The following LINGO2 variants were observed in gnomAD, a reference collection of about 807,000 sequenced individuals.
The protein encoded by LINGO2 is leucine-rich repeat and immunoglobulin-like domain-containing nogo receptor-interacting protein 2.
In LINGO2, 14 loss-of-function variants were observed where a neutral mutation model predicts 30.6. The observed-to-expected ratio is 0.46, with a 90% CI of 0.30 to 0.72. The LOEUF (loss-of-function observed/expected upper bound fraction) is 0.72, where lower values mean the gene tolerates loss of function less well. Among genes scored for constraint, LINGO2 ranks in the 30% least tolerant of loss-of-function variants. The probability of loss-of-function intolerance (pLI) is 0.07; values close to 1 mark genes in which losing one functional copy is unlikely to be tolerated. For missense variants in LINGO2, 729 were observed against 751.7 expected, an observed-to-expected ratio of 0.97 and a Z score of 0.35; for synonymous variants, 317 against 288.5, an observed-to-expected ratio of 1.10 and a Z score of -1.00.
the LINGO2 span, among the ~76,000 whole-genome samples, chr9:28,949,944 C>A: frequency 1.3e-5 from 2 of 152,162 alleles, no homozygotes; most frequent in East Asian, 3.9e-4. Flanking sequence ...TGGCTTCATC[C>A]CTGGGATGCA....
chr9:29,212,068 T>G, the LINGO2 span, among the ~76,000 whole-genome samples: 1 of 152,176 alleles, frequency 6.6e-6, no homozygotes, highest in African/African-American at 2.4e-5. Flanking sequence ...GAAAGGAGAG[T>G]GGAGGAGAAA....
intron 1 of LINGO2, among the ~76,000 whole-genome samples, chr9:28,562,433 A>G (rs1189922378): frequency 6.8e-6 from 1 of 146,130 alleles, no homozygotes; most frequent in East Asian, 2.1e-4. Context: ...CTTCAACAGG[A>G]AATAAGCAAT....
the LINGO2 span, among the ~76,000 whole-genome samples, chr9:28,935,126 T>A: frequency 1.3e-5 from 2 of 152,158 alleles, no homozygotes; most frequent in Non-Finnish European, 2.9e-5. Flanking sequence ...AGGATATATA[T>A]ACTTGTAACC....
At chr9:27,982,052 C>T (rs1820906027) in intron 5 of LINGO2, among the ~76,000 whole-genome samples, 1 of 151,790 alleles carries the variant, frequency 6.6e-6, no homozygotes, top group Non-Finnish European at 1.5e-5. Flanking sequence ...TGAAAACTGA[C>T]TTTTCCTTCC....
chr9:29,060,330 T>C, the LINGO2 span, among the ~76,000 whole-genome samples: 9 of 152,052 alleles, frequency 5.9e-5, no homozygotes, highest in Non-Finnish European at 1.3e-4. Flanking sequence ...ACCCACAAAA[T>C]TCCTGGACTC....
chr9:28,544,527 C>T (rs1216944054), intron 1 of LINGO2, among the ~76,000 whole-genome samples: 1 of 152,006 alleles, frequency 6.6e-6, no homozygotes, highest in Admixed American at 6.6e-5. Flanking sequence ...GGCCTTCAAT[C>T]AACAAAAACA....
intron 4 of LINGO2, among the ~76,000 whole-genome samples, chr9:28,249,596 A>G (rs558973614): frequency 4.2e-4 from 64 of 152,294 alleles, no homozygotes; most frequent in Admixed American, 1.5e-3. Flanking sequence ...CAAATTCCAC[A>G]GACTAATGGA....
At chr9:29,029,863 G>GGTTT in the LINGO2 span, among the ~76,000 whole-genome samples, 7 of 148,568 alleles carry the variant, frequency 4.7e-5, no homozygotes, top group African/African-American at 1.7e-4. Context: ...GAAGCTTTCA[G>GGTTT]TTTTTTTTTT....
chr9:28,397,768 T>C (rs1465965240), intron 2 of LINGO2, among the ~76,000 whole-genome samples: 1 of 152,036 alleles, frequency 6.6e-6, no homozygotes, highest in Admixed American at 6.6e-5. Context: ...AGGATGGTCT[T>C]GATCTCCTGA....
intron 5 of LINGO2, among the ~76,000 whole-genome samples, chr9:27,959,340 T>TA (rs151235532): frequency 0.016 from 2,491 of 152,300 alleles, 55 homozygotes; most frequent in African/African-American, 0.056. Context: ...TTTCGCTTCC[T>TA]AAGATTAGAT....
intron 1 of LINGO2, among the ~76,000 whole-genome samples, chr9:28,614,493 T>C (rs1366181599): frequency 6.6e-6 from 1 of 152,134 alleles, no homozygotes; most frequent in African/African-American, 2.4e-5. Flanking sequence ...CTCTTCTCAA[T>C]ATTTGCCTCA....
chr9:28,668,965 G>A (rs1465611865), intron 1 of LINGO2, among the ~76,000 whole-genome samples: 1 of 151,836 alleles, frequency 6.6e-6, no homozygotes, highest in African/African-American at 2.4e-5. Context: ...TATGCCTCAT[G>A]GTGCAATTCA....
chr9:28,626,383 G>GA (rs1160628449), intron 1 of LINGO2, among the ~76,000 whole-genome samples: 1 of 151,848 alleles, frequency 6.6e-6, no homozygotes, highest in Non-Finnish European at 1.5e-5. Context: ...ATTCTTTAAG[G>GA]AAAAAAATGT....
Position 28,554,027 on chromosome 9 carries a change from C to G in LINGO2, c.-364-78002G>C, listed in dbSNP as rs1382046748. Among the ~76,000 whole-genome samples the G allele has an allele frequency of 6.6e-5, 10 of 152,144 alleles. No individual in the cohort carries two copies. The East Asian group carries it at 1.7e-3, about 26-fold the overall frequency. ...TAAACTTAGAAAGGAACAACTGGTA[C>G]CAGCCGCTGCAAAAGCATGCCAAAA... On this transcript the variant is annotated intron_variant, in intron 1 of 5. Coordinates refer to ENST00000379992, the Ensembl canonical transcript of LINGO2.
chr9:28,589,736 T>C (rs1563846859), intron 1 of LINGO2, among the ~76,000 whole-genome samples: 1 of 151,878 alleles, frequency 6.6e-6, no homozygotes, highest in Non-Finnish European at 1.5e-5. Flanking sequence ...CCAAGGTAAT[T>C]TATAGATTCA....
chr9:28,500,786 T>A (rs1174027985), intron 1 of LINGO2, among the ~76,000 whole-genome samples: 1 of 152,042 alleles, frequency 6.6e-6, no homozygotes, highest in Admixed American at 6.5e-5. Flanking sequence ...AGAGAGGTGA[T>A]CTCTGAGTAC....
At chr9:28,550,272 T>C (rs763717828) in intron 1 of LINGO2, among the ~76,000 whole-genome samples, 10 of 151,868 alleles carry the variant, frequency 6.6e-5, no homozygotes, top group Non-Finnish European at 1.5e-4. Context: ...TCTCTCATTT[T>C]ATGTGCTATG....
At chr9:29,093,211 C>G in the LINGO2 span, among the ~76,000 whole-genome samples, 3 of 132,134 alleles carry the variant, frequency 2.3e-5, no homozygotes, top group Admixed American at 1.6e-4. Flanking sequence ...ACAATTATTC[C>G]CTGTAGAAAC....
At chr9:28,789,040 T>C in the LINGO2 span, among the ~76,000 whole-genome samples, 1 of 152,192 alleles carries the variant, frequency 6.6e-6, no homozygotes, top group Non-Finnish European at 1.5e-5. Flanking sequence ...AATAAAAATA[T>C]AATCCTCATA....
Sources: allele counts gnomAD v4.1 joint callset (sites outside exome capture counted in the v4.1 genomes callset), GRCh38; gene constraint gnomAD v4.1.1; transcripts MANE v1.5; gene names NCBI Gene and HGNC (gene_info 2026-07-23, HGNC 2026-07-21).